Variants in ITGA11 observed in about 807,000 individuals in gnomAD.
ITGA11 encodes integrin subunit alpha 11.
Under a neutral mutation model 141.9 loss-of-function variants are expected in ITGA11, and 97 were observed. The ratio of observed to expected loss-of-function variants is 0.68; its 90% confidence interval spans 0.58 to 0.81. The LOEUF is 0.81. Among genes scored for constraint, ITGA11 ranks in the 30% least tolerant of loss-of-function variants. ITGA11 has a pLI of 0.00. For missense variants in ITGA11, 1,387 were observed against 1,559.2 expected (o/e 0.89, Z 1.86); for synonymous variants, 658 against 624.6 (o/e 1.05, Z -0.80).
rs759102561 is a variant in ITGA11, at chr15:68,313,814, G to A, written c.2847C>T (p.Phe949=). ...TKEDNVAPLR[F]HLKYEADVLF... Reference sequence around the variant, plus strand: ...GGACGTCAGCCTCGTATTTGAGGTGGAAGCGTAAGGGGGCCACGTTGTCTT... The same window carrying A: ...GGACGTCAGCCTCGTATTTGAGGTGAAAGCGTAAGGGGGCCACGTTGTCTT... The change falls in exon 23 of 30, where the codon TTC becomes TTT. Residue 949 remains phenylalanine (F), a synonymous_variant. Transcript: ENST00000315757. The A allele has an allele frequency of 2.4e-5, 38 of 1,613,898 alleles. No homozygotes were observed. The highest frequency in any genetic ancestry group is 3.2e-5 in the Non-Finnish European group (38 of 1,179,896).
intron 2 of ITGA11, among the ~76,000 whole-genome samples, chr15:68,370,945 T>C (rs11072011): frequency 0.79 from 120,876 of 152,150 alleles, 48,426 homozygotes; most frequent in East Asian, 1. Context: ...ACCTTGGCGC[T>C]GTCAGGAAGG....
In ITGA11 at chr15:68,308,009, G is replaced by A. The variant is rs1274948066; in HGVS notation, c.3175-313C>T. On this transcript the variant is annotated intron_variant, in intron 26 of 29. Transcript: ENST00000315757. The surrounding 1 kb of genome is among the most constrained non-coding windows in gnomAD (Gnocchi z 5.2). ...TCCTATCACCATATAAACACATTAA[G>A]ATAAAAAATTCTATGATCGCTGCAA... is the stretch of plus-strand genomic sequence containing the variant. Among the ~76,000 whole-genome samples, 1 of 152,148 alleles carries A rather than the reference G, an allele frequency of 6.6e-6. No individual in the cohort carries two copies. Among genetic ancestry groups the A allele is most frequent in the Non-Finnish European group, 1.5e-5 (1 of 68,036 alleles).
At chr15:68,312,432 C>G (rs1045183245) in intron 24 of ITGA11, among the ~76,000 whole-genome samples, 5 of 152,206 alleles carry the variant, frequency 3.3e-5, no homozygotes, top group African/African-American at 1.2e-4. Context: ...AATAGAAGAC[C>G]CACTCCTGAA....
In ITGA11 at chr15:68,305,485, C is replaced by T. The variant is rs144696859; in HGVS notation, c.3382-1600G>A. ...CTGCTCTATCCTCAGAACCTGGAGC[C>T]GTGCCGGGAATGTAGCAGGAGCTCA... On this transcript the variant is annotated intron_variant, in intron 28 of 29. Transcript: ENST00000315757. This position sits in a 1 kb window ranked among gnomAD's most constrained non-coding sequence, Gnocchi z 4.6. 8.3e-4 allele frequency among the ~76,000 whole-genome samples: 126 copies of T among 152,158 alleles called. No homozygotes were observed. Among genetic ancestry groups the T allele is most frequent in the African/African-American group, 2.6e-3 (108 of 41,442 alleles).
At chr15:68,369,432 C>T (rs1297053995) in intron 2 of ITGA11, 148 bp from the exon 3 acceptor site, 7 of 623,040 alleles carry the variant, frequency 1.1e-5, no homozygotes, top group African/African-American at 1.8e-5. Flanking sequence ...GACCCTCAGG[C>T]TGGGACCACT....
intron 7 of ITGA11, among the ~76,000 whole-genome samples, chr15:68,355,903 T>G (rs1365878397): frequency 6.6e-6 from 1 of 152,224 alleles, no homozygotes; most frequent in African/African-American, 2.4e-5. Flanking sequence ...CTAAATGCCT[T>G]TGACACAGTC....
intron 5 of ITGA11, among the ~76,000 whole-genome samples, chr15:68,359,414 A>C (rs1450311667): frequency 6.6e-6 from 1 of 152,144 alleles, no homozygotes; most frequent in Non-Finnish European, 1.5e-5. Context: ...GGGAGTCCGA[A>C]GTGGGTAGAT....
chr15:68,403,168 G>A lies in ITGA11; in HGVS notation c.53-139C>T, dbSNP rs184853408. On this transcript the variant is annotated intron_variant, in intron 1 of 29. Coordinates refer to ENST00000315757, the MANE Select transcript of ITGA11 (RefSeq NM_001004439.2). ...TGGGACAAGCATGTTTCCCCATCTT[G>A]GGGAGTCCCTGTATGAGGTGGCTGA... 1.2e-3 allele frequency: 787 copies of A among 643,900 alleles called. 15 individuals carry two copies. The East Asian group carries it at 0.02, about 17-fold the overall frequency. 39.9% of individuals were successfully genotyped at this position (643,900 alleles called of 1,614,324 possible).
At position 68,382,007 on chromosome 15, in the gene ITGA11, G is replaced by A. The variant is rs1199833886; in HGVS notation, c.165-12723C>T. Among the ~76,000 whole-genome samples the A allele has an allele frequency of 3.3e-5, 5 of 152,324 alleles. No homozygotes were observed. The East Asian group carries it at 9.6e-4, about 29-fold the overall frequency. ...GTGCAGGAGCGCAGAGGACACAGAA[G>A]CCGGCCTTGGGTTGCATTAGGGAAT... is the stretch of plus-strand genomic sequence containing the variant. On this transcript the variant is annotated intron_variant, in intron 2 of 29. Transcript: ENST00000315757.
At chr15:68,336,771 G>A (rs959761293) in intron 11 of ITGA11, among the ~76,000 whole-genome samples, 1 of 152,186 alleles carries the variant, frequency 6.6e-6, no homozygotes, top group Non-Finnish European at 1.5e-5. Context: ...ATGCACGTGT[G>A]TGAGTGTGTG....
At chr15:68,323,150 C>T (rs1414925322) in intron 18 of ITGA11, among the ~76,000 whole-genome samples, 1 of 152,222 alleles carries the variant, frequency 6.6e-6, no homozygotes, top group Non-Finnish European at 1.5e-5. Context: ...ATCTACCCAT[C>T]TCGCCCCTCA....
At chr15:68,373,383 T>G (rs1895645552) in intron 2 of ITGA11, among the ~76,000 whole-genome samples, 1 of 152,212 alleles carries the variant, frequency 6.6e-6, no homozygotes, top group Non-Finnish European at 1.5e-5. Context: ...TGTGGGGGCT[T>G]TTGGCTTTGC....
chr15:68,415,753 T>C (rs1284397704), intron 1 of ITGA11, among the ~76,000 whole-genome samples: 1 of 152,204 alleles, frequency 6.6e-6, no homozygotes, highest in Non-Finnish European at 1.5e-5. Flanking sequence ...AGAGCTCATG[T>C]GTGTCATGAG....
intron 5 of ITGA11, among the ~76,000 whole-genome samples, chr15:68,358,786 T>C (rs929509241): frequency 2.6e-5 from 4 of 152,266 alleles, no homozygotes; most frequent in African/African-American, 9.6e-5. Context: ...TCTACCACTC[T>C]GCTGGCTGTT....
intron 13 of ITGA11, 122 bp from the exon 14 acceptor site, chr15:68,332,184 G>T: frequency 8.1e-7 from 1 of 1,239,982 alleles, no homozygotes; most frequent in Non-Finnish European, 1.1e-6. Flanking sequence ...CCCCGTCTCT[G>T]GCTATATGAA....
chr15:68,350,138 G>A (rs1252546674), intron 9 of ITGA11, among the ~76,000 whole-genome samples: 3 of 152,138 alleles, frequency 2.0e-5, no homozygotes, highest in Admixed American at 6.6e-5. Flanking sequence ...TTCATAAAAC[G>A]CACAGCCTCA....
intron 2 of ITGA11, among the ~76,000 whole-genome samples, chr15:68,375,763 T>C (rs1450452396): frequency 6.6e-6 from 1 of 152,194 alleles, no homozygotes; most frequent in African/African-American, 2.4e-5. Context: ...TGATGATTAA[T>C]TTTATGTGTC....
intron 10 of ITGA11, among the ~76,000 whole-genome samples, chr15:68,345,781 C>T (rs1006358738): frequency 6.6e-6 from 1 of 152,160 alleles, no homozygotes; most frequent in Non-Finnish European, 1.5e-5. Context: ...CCCTGATCCC[C>T]AGAGAGGCCT....
At chr15:68,401,606 G>A (rs977348750) in intron 2 of ITGA11, among the ~76,000 whole-genome samples, 6 of 152,134 alleles carry the variant, frequency 3.9e-5, no homozygotes, top group Non-Finnish European at 8.8e-5. Flanking sequence ...AGATACAAAT[G>A]AGCACCTATT....
Sources: gnomAD v4.1 joint callset for allele counts (sites outside exome capture counted in the v4.1 genomes callset) on GRCh38, gnomAD v4.1.1 for gene constraint, Gnocchi (gnomAD v3.1) non-coding constraint, MANE v1.5 for transcripts, NCBI Gene and HGNC (gene_info 2026-07-23, HGNC 2026-07-21) for gene names.